Variants in CMIP observed in about 807,000 individuals in gnomAD.
CMIP encodes C-Maf-inducing protein.
CMIP carries 13 observed loss-of-function variants against 97.3 expected under a neutral mutation model. The ratio of observed to expected loss-of-function variants is 0.13; its 90% CI spans 0.09 to 0.21. The LOEUF is 0.21. Ranked by LOEUF, CMIP falls within the 10% of genes least tolerant of loss-of-function variation. The probability of loss-of-function intolerance (pLI) is 1.00; values close to 1 mark genes in which losing one functional copy is unlikely to be tolerated. For missense variants in CMIP, 847 were observed against 1,024.9 expected (o/e 0.83, Z 2.37); for synonymous variants, 538 against 436.3 (o/e 1.23, Z -2.91).
chr16:81,481,775 T>C (rs1168734259), intron 1 of CMIP, among the ~76,000 whole-genome samples: 1 of 152,126 alleles, frequency 6.6e-6, no homozygotes, highest in East Asian at 1.9e-4. Flanking sequence ...CTGTTGCCTT[T>C]TCCATTATCT....
chr16:81,534,162 G>C (rs2090296267), intron 1 of CMIP, among the ~76,000 whole-genome samples: 1 of 152,166 alleles, frequency 6.6e-6, no homozygotes, highest in Non-Finnish European at 1.5e-5. Flanking sequence ...AGGACTTTCA[G>C]GAATGCACCC....
intron 1 of CMIP, among the ~76,000 whole-genome samples, chr16:81,580,949 G>T (rs892382855): frequency 6.6e-6 from 1 of 151,986 alleles, no homozygotes; most frequent in Admixed American, 6.6e-5. Flanking sequence ...CTCTCTTCCA[G>T]CCCCCTGACA....
intron 1 of CMIP, among the ~76,000 whole-genome samples, chr16:81,604,328 G>A (rs1355924021): frequency 2.7e-5 from 4 of 149,938 alleles, no homozygotes; most frequent in East Asian, 3.9e-4. Context: ...CCCGAGTGGC[G>A]GAAGTTGCAG....
At chr16:81,641,798 A>AG (rs1410230110) in intron 3 of CMIP, among the ~76,000 whole-genome samples, 1 of 152,198 alleles carries the variant, frequency 6.6e-6, no homozygotes, top group Non-Finnish European at 1.5e-5. Flanking sequence ...GAAACCGAGG[A>AG]GGCGAGGCTC....
chr16:81,515,693 C>T (rs1054787361), intron 1 of CMIP, among the ~76,000 whole-genome samples: 16 of 152,324 alleles, frequency 1.1e-4, no homozygotes, highest in African/African-American at 3.1e-4. Context: ...AGGTTGGTAG[C>T]TGTGCCAGTC....
At position 81,597,516 on chromosome 16, in the gene CMIP, C is replaced by T. The variant is rs72829086; in HGVS notation, c.301-10051C>T. 8.4e-3 allele frequency among the ~76,000 whole-genome samples: 1,268 copies of T among 151,530 alleles called. 8 individuals are homozygous for T. Among genetic ancestry groups the T allele is most frequent in the Non-Finnish European group, 0.014 (966 of 67,950 alleles). ...TGTCATGAGAGTGATGCAATACCTT[C>T]CTCTTGCAGGATTGTGGGATTAAGG... On this transcript the variant is annotated intron_variant, in intron 1 of 20. Coordinates refer to ENST00000537098, the MANE Select transcript of CMIP (RefSeq NM_198390.3).
intron 1 of CMIP, among the ~76,000 whole-genome samples, chr16:81,457,004 A>T (rs1445825007): frequency 6.6e-6 from 1 of 152,036 alleles, no homozygotes; most frequent in Non-Finnish European, 1.5e-5. Flanking sequence ...AGACCACCTG[A>T]CCCTGCAGAG....
intron 1 of CMIP, among the ~76,000 whole-genome samples, chr16:81,458,937 C>T (rs115875631): frequency 1.5e-5 from 2 of 137,280 alleles, no homozygotes; most frequent in Non-Finnish European, 3.3e-5. Context: ...ATGTTTGCTA[C>T]CATCATCATC....
intron 1 of CMIP, among the ~76,000 whole-genome samples, chr16:81,458,553 T>A (rs1597447426): frequency 6.6e-6 from 1 of 152,128 alleles, no homozygotes; most frequent in East Asian, 1.9e-4. Flanking sequence ...TGGGAAGCTT[T>A]GCTTGAAGGG....
At chr16:81,498,175 C>T (rs958431008) in intron 1 of CMIP, among the ~76,000 whole-genome samples, 6 of 152,324 alleles carry the variant, frequency 3.9e-5, no homozygotes, top group South Asian at 4.1e-4. Flanking sequence ...CCATAGAACT[C>T]GGCTTCCTTG....
intron 3 of CMIP, among the ~76,000 whole-genome samples, chr16:81,646,036 A>T (rs1036744216): frequency 2.0e-5 from 3 of 150,728 alleles, no homozygotes; most frequent in African/African-American, 7.3e-5. Context: ...GGATGATTGG[A>T]TGGAAGGGTG....
intron 1 of CMIP, chr16:81,476,127 C>T: frequency 1.0e-6 from 1 of 956,206 alleles, no homozygotes; most frequent in Non-Finnish European, 1.7e-6. Flanking sequence ...TCTTCTTTCA[C>T]CTTGCCGGAG....
intron 2 of CMIP, 106 bp downstream of exon 2, chr16:81,607,798 G>C: frequency 7.9e-7 from 1 of 1,264,460 alleles, no homozygotes; most frequent in Non-Finnish European, 1.1e-6. Flanking sequence ...AGGAAAGGTT[G>C]TTTAACTTTG....
chr16:81,514,337 G>T, intron 1 of CMIP, among the ~76,000 whole-genome samples: 1 of 152,144 alleles, frequency 6.6e-6, no homozygotes, highest in East Asian at 1.9e-4. Context: ...GGTGAGGGAA[G>T]CTTCCAGAAG....
chr16:81,532,577 C>G (rs4889334), intron 1 of CMIP, among the ~76,000 whole-genome samples: 60,049 of 152,000 alleles, frequency 0.4, 13,042 homozygotes, highest in Non-Finnish European at 0.49. Context: ...CTCGGCTTGC[C>G]CAGCAGCTGA....
chr16:81,658,698 A>G (rs951029634), intron 5 of CMIP, among the ~76,000 whole-genome samples: 4 of 152,400 alleles, frequency 2.6e-5, no homozygotes, highest in African/African-American at 9.6e-5. Flanking sequence ...TTGCTGGAGC[A>G]TAAAGCATAA....
chr16:81,601,760 C>T (rs2091661731), intron 1 of CMIP, among the ~76,000 whole-genome samples: 1 of 152,268 alleles, frequency 6.6e-6, no homozygotes, highest in East Asian at 1.9e-4. Context: ...GCCAGAACCC[C>T]AGCTTGTGGG....
Position 81,701,682 on chromosome 16 carries a change from A to G in CMIP, c.1778A>G (p.Tyr593Cys). ...CAGATCCTGTGCTTGATGCTGGAATACAACATCATCGACAACAACGACACC... is the reference window on the plus strand; with the variant it reads ...CAGATCCTGTGCTTGATGCTGGAATGCAACATCATCGACAACAACGACACC... ...MVEILCLMLEYNIIDNNDTQL... is the reference protein window; with the variant it reads ...MVEILCLMLECNIIDNNDTQL... The change falls in exon 16 of 21, where the codon TAC (tyrosine) becomes TGC (cysteine). Residue 593 changes from tyrosine to cysteine, a missense_variant. Coordinates refer to ENST00000537098, the MANE Select transcript of CMIP (RefSeq NM_198390.3). 1 of 1,613,870 alleles carries G rather than the reference A, an allele frequency of 6.2e-7. No homozygotes were observed. The highest frequency in any genetic ancestry group is 8.5e-7 in the Non-Finnish European group (1 of 1,179,890).
In CMIP at chr16:81,696,665, A is replaced by G. The variant is rs1433154894; in HGVS notation, c.1636A>G (p.Met546Val). 1.2e-6 allele frequency: 2 copies of G among 1,605,426 alleles called. No individual in the cohort carries two copies. The highest frequency in any genetic ancestry group is 2.2e-5 in the South Asian group (2 of 91,034). ...CGATGACGGGGAGCTGTTCGCCAGC[A>G]TGGTACGCAGTGGGACCCCAGTGGG... ...CDDDGELFAS[M>V]VHILMGSCYK... Residue 546 changes from methionine (M) to valine (V), a missense_variant and splice_region_variant, in exon 14 of 21, where the codon ATG (methionine) becomes GTG (valine). Transcript: ENST00000537098.
Sources: allele counts gnomAD v4.1 joint callset (sites outside exome capture counted in the v4.1 genomes callset), GRCh38; gene constraint gnomAD v4.1.1; transcripts MANE v1.5; gene names NCBI Gene and HGNC (gene_info 2026-07-23, HGNC 2026-07-21).